Variants in ARHGEF6 observed in about 807,000 individuals in gnomAD.
ARHGEF6 encodes rho guanine nucleotide exchange factor 6.
In ARHGEF6, 9 loss-of-function variants were observed where a neutral mutation model predicts 70.3. The observed-to-expected ratio is 0.13, with a 90% CI of 0.08 to 0.22. The LOEUF is 0.22. Among genes scored for constraint, ARHGEF6 ranks in the 10% least tolerant of loss-of-function variants. The pLI is 1.00. For synonymous variants in ARHGEF6, 201 were observed against 207.8 expected (o/e 0.97, Z 0.28); for missense variants, 470 against 563.0 (o/e 0.83, Z 1.67).
chrX:136,755,367 C>T (rs1242291957), intron 2 of ARHGEF6, among the ~76,000 whole-genome samples: 2 of 111,286 alleles, frequency 1.8e-5, no homozygotes, highest in African/African-American at 6.5e-5. Context: ...ATATGAAGTC[C>T]GTGAGAATAC....
intron 17 of ARHGEF6, 92 bp downstream of exon 17, chrX:136,677,844 C>T (rs2076295517): frequency 1.3e-6 from 1 of 777,101 alleles, no homozygotes; most frequent in Non-Finnish European, 1.9e-6. Flanking sequence ...TAACAAGGGA[C>T]AAAACAAGCA....
intron 1 of ARHGEF6, 40 bp from the exon 2 acceptor site, chrX:136,779,537 C>T: frequency 2.6e-6 from 3 of 1,139,498 alleles, no homozygotes; most frequent in Non-Finnish European, 2.4e-6. Flanking sequence ...AGATTGTCAT[C>T]CCATGCCAAG....
chrX:136,716,993 T>G (rs781017912), intron 6 of ARHGEF6, among the ~76,000 whole-genome samples: 80 of 110,903 alleles, frequency 7.2e-4, no homozygotes, highest in Middle Eastern at 4.6e-3. Context: ...CTACAAAAGG[T>G]GCAACATTCA....
chrX:136,716,465 T>C (rs767917097), intron 6 of ARHGEF6, among the ~76,000 whole-genome samples: 1 of 110,980 alleles, frequency 9.0e-6, no homozygotes, highest in East Asian at 2.9e-4. Flanking sequence ...TCTGGAAACA[T>C]AGAATGTTTC....
At chrX:136,748,179 C>A (rs1190321356) in intron 2 of ARHGEF6, among the ~76,000 whole-genome samples, 1 of 111,774 alleles carries the variant, frequency 8.9e-6, no homozygotes, top group Non-Finnish European at 1.9e-5. Context: ...GCCTTTTGCT[C>A]CCAGCTTCAG....
In ARHGEF6 at chrX:136,723,314, A is replaced by G. The variant is rs139068280; in HGVS notation, c.732+8788T>C. Among the ~76,000 whole-genome samples, 376 of 112,252 alleles carry G rather than the reference A, an allele frequency of 3.3e-3. 2 individuals are homozygous for G. The highest frequency in any genetic ancestry group is 0.011 in the African/African-American group (343 of 30,900). ...GTGAATTTTATGCTATGTGAATTGT[A>G]CCTCAGTAAAGCTATTATTTAAAAA... is the stretch of plus-strand genomic sequence containing the variant. On this transcript the variant is annotated intron_variant, in intron 6 of 21. Coordinates refer to ENST00000250617, the MANE Select transcript of ARHGEF6 (RefSeq NM_004840.3).
chrX:136,703,722 A>G (rs886130569), intron 9 of ARHGEF6, among the ~76,000 whole-genome samples: 5 of 112,204 alleles, frequency 4.5e-5, no homozygotes, highest in African/African-American at 1.6e-4. Context: ...GGGTTTCTCC[A>G]TGTTGGTCAG....
intron 9 of ARHGEF6, among the ~76,000 whole-genome samples, chrX:136,691,860 T>C (rs941897485): frequency 4.5e-5 from 5 of 111,580 alleles, no homozygotes; most frequent in Non-Finnish European, 9.4e-5. Context: ...CTTTTTAAAC[T>C]CCTACTGGCT....
chrX:136,758,525 G>A (rs1007320628), intron 2 of ARHGEF6, among the ~76,000 whole-genome samples: 5 of 110,401 alleles, frequency 4.5e-5, no homozygotes, highest in Non-Finnish European at 9.5e-5. Context: ...AGAGAGTTTC[G>A]GTAATAGAAG....
At chrX:136,768,447 T>G (rs1341260964) in intron 2 of ARHGEF6, 1 of 112,242 alleles carries the variant, frequency 8.9e-6, no homozygotes, top group Non-Finnish European at 1.9e-5. Context: ...TAGTTCCAAC[T>G]GAGCAGCTAA....
chrX:136,748,080 T>A (rs1335822970), intron 2 of ARHGEF6, among the ~76,000 whole-genome samples: 1 of 112,053 alleles, frequency 8.9e-6, no homozygotes, highest in African/African-American at 3.2e-5. Flanking sequence ...TGCCTTTTTC[T>A]CTGCTCTCCT....
chrX:136,727,347 T>TTC (rs1420520564), intron 6 of ARHGEF6, among the ~76,000 whole-genome samples: 1 of 47,433 alleles, frequency 2.1e-5, no homozygotes, highest in East Asian at 8.8e-4. Context: ...CTTTCTTTCT[T>TTC]TCTTTCTTTC....
At chrX:136,753,836 A>T (rs931962331) in intron 2 of ARHGEF6, among the ~76,000 whole-genome samples, 1 of 111,745 alleles carries the variant, frequency 8.9e-6, no homozygotes, top group Non-Finnish European at 1.9e-5. Context: ...TTTTTAAATG[A>T]CCTATTTATA....
chrX:136,706,671 C>T (rs1460917212), intron 9 of ARHGEF6, among the ~76,000 whole-genome samples: 1 of 111,918 alleles, frequency 8.9e-6, no homozygotes, highest in Non-Finnish European at 1.9e-5. Context: ...GGGGAAGGAC[C>T]TCCTCCTCCT....
At chrX:136,697,831 C>A (rs1231437662) in intron 9 of ARHGEF6, among the ~76,000 whole-genome samples, 2 of 112,456 alleles carry the variant, frequency 1.8e-5, no homozygotes, top group Non-Finnish European at 3.8e-5. Context: ...TTGTTCTCAA[C>A]AACAAAAAAC....
intron 6 of ARHGEF6, among the ~76,000 whole-genome samples, chrX:136,720,944 A>C (rs6633835): frequency 0.21 from 23,655 of 111,261 alleles, 2,437 homozygotes; most frequent in East Asian, 0.64. Flanking sequence ...GAAAATATGT[A>C]CAAGATCTAT....
chrX:136,762,144 C>T (rs2077269435), intron 2 of ARHGEF6, among the ~76,000 whole-genome samples: 1 of 111,900 alleles, frequency 8.9e-6, no homozygotes, highest in South Asian at 3.7e-4. Flanking sequence ...GAACTCCTGA[C>T]CTCAGGTGAT....
chrX:136,747,682 CGGAA>C (rs1221587324), intron 2 of ARHGEF6, 90 bp from the exon 3 acceptor site: 115 of 187,439 alleles, frequency 6.1e-4, no homozygotes, highest in Middle Eastern at 1.5e-3. Flanking sequence ...TCCAGCTCTC[CGGAA>C]AAAAAAAAAA....
chrX:136,759,364 G>A (rs766934301), intron 2 of ARHGEF6, among the ~76,000 whole-genome samples: 109 of 111,696 alleles, frequency 9.8e-4, no homozygotes, highest in African/African-American at 3.1e-3. Context: ...CTTAAGGCTG[G>A]CGCGGTGGCT....
Sources: gnomAD v4.1 joint callset for allele counts (sites outside exome capture counted in the v4.1 genomes callset) on GRCh38, gnomAD v4.1.1 for gene constraint, MANE v1.5 for transcripts, NCBI Gene and HGNC (gene_info 2026-07-23, HGNC 2026-07-21) for gene names.